NKD2: variants seen among roughly 807,000 people sequenced by gnomAD.
The protein encoded by NKD2 is NKD inhibitor of Wnt signaling pathway 2.
A neutral mutation model predicts 34.8 loss-of-function variants in NKD2; 43 were observed. The observed-to-expected ratio is 1.24, with a 90% CI of 0.97 to 1.60. The LOEUF is 1.60. Ranked by LOEUF, NKD2 falls within the 40% of genes most tolerant of loss-of-function variation. NKD2 has a pLI of 0.00. For synonymous variants in NKD2, 278 were observed against 265.1 expected (o/e 1.05, Z -0.47); for missense variants, 675 against 627.1 (o/e 1.08, Z -0.82).
chr5:1,036,627 G>T (rs1175363655), intron 9 of NKD2, among the ~76,000 whole-genome samples: 2 of 152,106 alleles, frequency 1.3e-5, no homozygotes, highest in Admixed American at 1.3e-4. Context: ...CCGTCCAGGT[G>T]TGTGTATGTG....
At chr5:1,020,459 C>T (rs1756130412) in intron 3 of NKD2, among the ~76,000 whole-genome samples, 1 of 152,140 alleles carries the variant, frequency 6.6e-6, no homozygotes, top group South Asian at 2.1e-4. Flanking sequence ...GCCTCAGCCA[C>T]ACCTAGCTGA....
intron 3 of NKD2, among the ~76,000 whole-genome samples, chr5:1,031,167 C>T (rs760371401): frequency 5.9e-5 from 9 of 152,130 alleles, no homozygotes; most frequent in Non-Finnish European, 1.0e-4. Context: ...CCAGGGACCC[C>T]GGCAGGGCAG....
chr5:1,019,520 T>C (rs4975581), intron 3 of NKD2, among the ~76,000 whole-genome samples: 129,941 of 152,140 alleles, frequency 0.85, 59,207 homozygotes, highest in East Asian at 1. Context: ...TCGTGGAGCC[T>C]CTCGCCAGCC....
At chr5:1,032,450 A>C (rs1030715801) in intron 4 of NKD2, among the ~76,000 whole-genome samples, 1 of 152,228 alleles carries the variant, frequency 6.6e-6, no homozygotes, top group African/African-American at 2.4e-5. Flanking sequence ...CAGAGCCCTA[A>C]GCGTTACCTT....
rs1011738489 is a variant in NKD2 at position 1,034,969 on chromosome 5, G to A, written c.574+66G>A. On this transcript the variant is annotated intron_variant, in intron 7 of 9. Transcript: ENST00000296849. ...ATTGGCAGGGGCCTAAGCTGTGTGC[G>A]CGGGACAGGGAGGGACAAGTGAGTG... 7.6e-5 allele frequency: 110 copies of A among 1,449,948 alleles called. No individual in the cohort carries two copies. The Admixed American group carries it at 1.1e-3, about 15-fold the overall frequency. 89.8% of individuals were successfully genotyped at this position (1,449,948 alleles called of 1,614,324 possible).
In NKD2 at chr5:1,038,190, G is replaced by A; in HGVS notation, c.1173G>A (p.Glu391=). 1.3e-6 allele frequency: 2 copies of A among 1,589,224 alleles called. No homozygotes were observed. Among genetic ancestry groups the A allele is most frequent in the Non-Finnish European group, 1.7e-6 (2 of 1,169,844 alleles). The part of the protein sequence containing the change: ...GHKRYRQKGR[E]GHSPLKAPHA... ...AGCGGTACCGCCAAAAGGGCAGGGA[G>A]GGCCACTCGCCACTCAAGGCCCCAC... Residue 391 remains glutamate, a synonymous_variant, in exon 10 of 10, where the codon GAG becomes GAA. Transcript: ENST00000296849. This position sits in a 1 kb window ranked among gnomAD's most constrained non-coding sequence, Gnocchi z 4.5.
Position 1,008,955 on chromosome 5 carries a change from C to T in NKD2, c.-103C>T, listed in dbSNP as rs1755632840. On this transcript the variant is annotated 5_prime_UTR_variant, in exon 1 of 10. Coordinates refer to ENST00000296849, the MANE Select transcript of NKD2 (RefSeq NM_033120.4). Reference sequence around the variant, plus strand: ...TCTTCCCTCACCTCCTACCGGCACCCTAGCTTGCTCCCGGCCCATGCGGCC... The same window carrying T: ...TCTTCCCTCACCTCCTACCGGCACCTTAGCTTGCTCCCGGCCCATGCGGCC... 1.2e-5 allele frequency: 5 copies of T among 405,702 alleles called. No homozygotes were observed. Among genetic ancestry groups the T allele is most frequent in the Middle Eastern group, 6.3e-4 (1 of 1,600 alleles). The allele number at this position is 405,702 out of a possible 1,614,324, so 25.1% of individuals were successfully genotyped here. A position where few individuals can be genotyped will look rare whatever the true frequency, so the allele number is the denominator to read the frequency against.
At chr5:1,015,634 G>T (rs925950441) in intron 3 of NKD2, among the ~76,000 whole-genome samples, 1 of 152,220 alleles carries the variant, frequency 6.6e-6, no homozygotes, top group African/African-American at 2.4e-5. Context: ...GGAAGCAGGA[G>T]GAAGCAGGAG....
At chr5:1,024,806 C>T (rs367913442) in intron 3 of NKD2, among the ~76,000 whole-genome samples, 2 of 7,048 alleles carry the variant, frequency 2.8e-4, no homozygotes, top group African/African-American at 3.3e-4. Flanking sequence ...CCGCTGTGGG[C>T]GTCCCAGCCC....
At chr5:1,028,991 C>T (rs1756535205) in intron 3 of NKD2, among the ~76,000 whole-genome samples, 1 of 152,226 alleles carries the variant, frequency 6.6e-6, no homozygotes, top group Non-Finnish European at 1.5e-5. Context: ...AGGGGCTGCA[C>T]ATCTGGCCAG....
intron 8 of NKD2, 27 bp from the exon 9 acceptor site, chr5:1,036,230 T>A (rs1398283872): frequency 8.3e-6 from 13 of 1,557,616 alleles, no homozygotes; most frequent in Non-Finnish European, 1.0e-5. Flanking sequence ...TGTGCGGGGG[T>A]CAGGCCCTTC....
In NKD2 at chr5:1,032,149, C is replaced by T. The variant is rs777479606; in HGVS notation, c.142-3C>T. ...GCCACTGACTGCCCCGTTCTTCCTGCAGGAGCTGCCCAATGGGGACCCCAA... is the reference window on the plus strand; with the variant it reads ...GCCACTGACTGCCCCGTTCTTCCTGTAGGAGCTGCCCAATGGGGACCCCAA... On this transcript the variant is annotated splice_polypyrimidine_tract_variant and splice_region_variant and intron_variant, in intron 3 of 9. Coordinates refer to ENST00000296849, the MANE Select transcript of NKD2 (RefSeq NM_033120.4). 2.5e-6 allele frequency: 4 copies of T among 1,611,172 alleles called. No individual in the cohort carries two copies. The highest frequency in any genetic ancestry group is 1.3e-5 in the African/African-American group (1 of 74,936).
At chr5:1,034,692 G>T (rs1733749768) in intron 6 of NKD2, 64 bp from the exon 7 acceptor site, 1 of 1,536,918 alleles carries the variant, frequency 6.5e-7, no homozygotes, top group Non-Finnish European at 8.9e-7. Context: ...GTGTTTTCTG[G>T]CAGGGAGGGC....
At chr5:1,017,312 A>C (rs1019714712) in intron 3 of NKD2, among the ~76,000 whole-genome samples, 1 of 152,160 alleles carries the variant, frequency 6.6e-6, no homozygotes, top group African/African-American at 2.4e-5. Flanking sequence ...CACCCAGCTC[A>C]ACTGTCCCGA....
intron 3 of NKD2, among the ~76,000 whole-genome samples, chr5:1,021,789 C>A (rs188882217): frequency 2.3e-3 from 357 of 152,208 alleles, no homozygotes; most frequent in Non-Finnish European, 4.4e-3. Flanking sequence ...CAGGTTCCCC[C>A]CTCCCATGGT....
chr5:1,021,716 C>T (rs923251584), intron 3 of NKD2, among the ~76,000 whole-genome samples: 2 of 152,062 alleles, frequency 1.3e-5, no homozygotes, highest in African/African-American at 2.4e-5. Flanking sequence ...CTATGGCGGC[C>T]GGCAGAAGTG....
chr5:1,027,080 T>C (rs2150740415), intron 3 of NKD2, among the ~76,000 whole-genome samples: 1 of 152,384 alleles, frequency 6.6e-6, no homozygotes, highest in African/African-American at 2.4e-5. Flanking sequence ...CCGGCCCTTC[T>C]TTCCAGCTCC....
chr5:1,022,303 T>C (rs200927248), intron 3 of NKD2, among the ~76,000 whole-genome samples: 63 of 45,484 alleles, frequency 1.4e-3, no homozygotes, highest in Admixed American at 2.4e-3. Flanking sequence ...GCTGTGGGTG[T>C]CCCAGCCCTT....
At chr5:1,014,315 A>G (rs1338730713) in intron 3 of NKD2, among the ~76,000 whole-genome samples, 4 of 152,208 alleles carry the variant, frequency 2.6e-5, no homozygotes, top group Non-Finnish European at 5.9e-5. Context: ...TCAGCCCTGC[A>G]GCTTTGGGCC....
Sources: gnomAD v4.1 joint callset for allele counts (sites outside exome capture counted in the v4.1 genomes callset) on GRCh38, gnomAD v4.1.1 for gene constraint, Gnocchi (gnomAD v3.1) non-coding constraint, MANE v1.5 for transcripts, NCBI Gene and HGNC (gene_info 2026-07-23, HGNC 2026-07-21) for gene names.